The following SCAF11 variants were observed in gnomAD, a reference collection of about 807,000 sequenced individuals.
The protein encoded by SCAF11 is SR-related CTD associated factor 11.
A neutral mutation model predicts 140.5 loss-of-function variants in SCAF11; 47 were observed. That is an observed-to-expected ratio of 0.33 (90% CI 0.26 to 0.43). The LOEUF (loss-of-function observed/expected upper bound fraction) is 0.43, where lower values mean the gene tolerates loss of function less well. Ranked by LOEUF, SCAF11 falls within the 20% of genes least tolerant of loss-of-function variation. The probability of loss-of-function intolerance (pLI) is 1.00; values close to 1 mark genes in which losing one functional copy is unlikely to be tolerated. For missense variants in SCAF11, 1,645 were observed against 1,705.1 expected (o/e 0.96, Z 0.62); for synonymous variants, 557 against 579.4 (o/e 0.96, Z 0.55).
intron 1 of SCAF11, among the ~76,000 whole-genome samples, chr12:45,969,635 ACTTT>A (rs1466640946): frequency 2.6e-5 from 4 of 152,242 alleles, no homozygotes; most frequent in Non-Finnish European, 5.9e-5. Context: ...GTTGCTTGCC[ACTTT>A]CTTTGTTTTC....
At chr12:45,959,151 T>C (rs1009066958) in intron 3 of SCAF11, among the ~76,000 whole-genome samples, 1 of 152,102 alleles carries the variant, frequency 6.6e-6, no homozygotes, top group South Asian at 2.1e-4. Flanking sequence ...TGTTCTCTTA[T>C]GCAGATTTCT....
intron 11 of SCAF11, 85 bp downstream of exon 11, chr12:45,926,057 G>T (rs1944849191): frequency 2.2e-6 from 3 of 1,367,128 alleles, no homozygotes; most frequent in Non-Finnish European, 3.0e-6. Flanking sequence ...TACAAATAAG[G>T]ATCATTTCAA....
At chr12:45,948,724 G>A (rs1266961261) in intron 4 of SCAF11, among the ~76,000 whole-genome samples, 187 bp from the exon 5 acceptor site, 2 of 152,152 alleles carry the variant, frequency 1.3e-5, no homozygotes, top group Non-Finnish European at 2.9e-5. Context: ...TAGGTCTGGG[G>A]AAACAAAATA....
chr12:45,942,927 C>T (rs1479999962), intron 6 of SCAF11, among the ~76,000 whole-genome samples: 4 of 152,024 alleles, frequency 2.6e-5, no homozygotes, highest in African/African-American at 9.7e-5. Flanking sequence ...CCCTAAGAGT[C>T]ACTGTGCTCA....
chr12:45,921,918 C>A lies in SCAF11; in HGVS notation c.*130G>T, dbSNP rs1944723176. 9.3e-7 allele frequency: 1 copy of A among 1,070,434 alleles called. No individual in the cohort carries two copies. Among genetic ancestry groups the A allele is most frequent in the South Asian group, 1.6e-5 (1 of 63,528 alleles). 66.3% of individuals were successfully genotyped at this position (1,070,434 alleles called of 1,614,324 possible). On this transcript the variant is annotated 3_prime_UTR_variant, in exon 15 of 15. Transcript: ENST00000369367. The stretch of plus-strand genomic sequence containing the variant: ...ATTTATTTAGAACAAAACATCATAT[C>A]CTATGTTAAAAAAATAATTTTATCA...
chr12:45,951,153 A>G (rs2136576332), intron 4 of SCAF11, among the ~76,000 whole-genome samples: 1 of 152,258 alleles, frequency 6.6e-6, no homozygotes, highest in Admixed American at 6.5e-5. Context: ...TTATTGGCTA[A>G]TTTCAAAATT....
At chr12:45,959,351 T>C in intron 3 of SCAF11, among the ~76,000 whole-genome samples, 1 of 152,174 alleles carries the variant, frequency 6.6e-6, no homozygotes, top group East Asian at 1.9e-4. Flanking sequence ...CGTCAGGCTA[T>C]CCCTTGACGT....
At chr12:45,924,602 A>G (rs1232522195) in intron 12 of SCAF11, 126 bp downstream of exon 12, 1 of 742,846 alleles carries the variant, frequency 1.3e-6, no homozygotes. Context: ...ATGAAGGTTT[A>G]CCATAACTGA....
chr12:45,942,670 T>G (rs1471162634), intron 6 of SCAF11, among the ~76,000 whole-genome samples: 1 of 152,208 alleles, frequency 6.6e-6, no homozygotes, highest in Non-Finnish European at 1.5e-5. Context: ...CAAGATTCCC[T>G]GAGATATCTT....
intron 3 of SCAF11, among the ~76,000 whole-genome samples, chr12:45,954,126 A>T (rs747152854): frequency 6.6e-6 from 1 of 152,258 alleles, no homozygotes; most frequent in Non-Finnish European, 1.5e-5. Flanking sequence ...TATCAGATGC[A>T]TCAAATCTTT....
At chr12:45,969,554 T>C (rs1946027187) in intron 1 of SCAF11, among the ~76,000 whole-genome samples, 2 of 152,176 alleles carry the variant, frequency 1.3e-5, no homozygotes, top group Non-Finnish European at 2.9e-5. Flanking sequence ...ATTCAATAAA[T>C]GGCTGTTATC....
Position 45,931,588 on chromosome 12 carries a change from A to C in SCAF11, c.759T>G (p.Val253=). Residue 253 remains valine (V), a synonymous_variant, in exon 10 of 15, where the codon GTT becomes GTG. Transcript: ENST00000369367. ...AAATGAGAGGAAGGACTTCTGTTTC[A>C]ACATTCCAGGGTATAAAACCAATTC... ...IGRIGFIPWN[V]ETEVLPLISS... is the part of the protein sequence containing the mutation. 2 of 1,537,674 alleles carry C rather than the reference A, an allele frequency of 1.3e-6. No individual in the cohort carries two copies. Among genetic ancestry groups the C allele is most frequent in the Non-Finnish European group, 1.7e-6 (2 of 1,150,002 alleles).
chr12:45,990,146 C>T (rs1253338664), intron 1 of SCAF11, among the ~76,000 whole-genome samples: 4 of 152,138 alleles, frequency 2.6e-5, no homozygotes, highest in South Asian at 4.1e-4. Context: ...GAAAGGGGCC[C>T]TCCCGGCCGC....
At chr12:45,942,169 T>C (rs1320636982) in intron 6 of SCAF11, among the ~76,000 whole-genome samples, 1 of 152,232 alleles carries the variant, frequency 6.6e-6, no homozygotes, top group Non-Finnish European at 1.5e-5. Context: ...CAGGAGGCTA[T>C]TAGTAGTCAA....
At chr12:45,965,702 G>T (rs1945929116) in intron 1 of SCAF11, among the ~76,000 whole-genome samples, 1 of 152,146 alleles carries the variant, frequency 6.6e-6, no homozygotes, top group South Asian at 2.1e-4. Context: ...CTACGCACAA[G>T]AAATCCTTGA....
In SCAF11 at chr12:45,919,524, G is replaced by GT. The variant is rs1474518381; in HGVS notation, c.*2523dup. 1 of 152,250 alleles carries GT rather than the reference G, an allele frequency of 6.6e-6. No homozygotes were observed. Among genetic ancestry groups the GT allele is most frequent in the Non-Finnish European group, 1.5e-5 (1 of 68,012 alleles). 9.4% of individuals were successfully genotyped at this position (152,250 alleles called of 1,614,324 possible). ...ACCTTGATAAATAATAAGAGGAAATGTAACTCCACAAAATGTTTCTGATTA... is the reference window on the plus strand; with the variant it reads ...ACCTTGATAAATAATAAGAGGAAATGTTAACTCCACAAAATGTTTCTGATTA... On this transcript the variant is annotated 3_prime_UTR_variant, in exon 15 of 15. Coordinates refer to ENST00000369367, the MANE Select transcript of SCAF11 (RefSeq NM_004719.3).
At chr12:45,956,109 G>C (rs1396662894) in intron 3 of SCAF11, 13 of 715,762 alleles carry the variant, frequency 1.8e-5, no homozygotes, top group Non-Finnish European at 3.4e-5. Context: ...CCTTATTTGG[G>C]AATTCAGGAT....
At chr12:45,953,298 T>C (rs1422004354) in intron 3 of SCAF11, among the ~76,000 whole-genome samples, 2 of 152,214 alleles carry the variant, frequency 1.3e-5, no homozygotes, top group African/African-American at 2.4e-5. Context: ...ATCATAACCA[T>C]TGCTGTTTAT....
At chr12:45,975,847 T>G (rs2136651657) in intron 1 of SCAF11, 1 of 152,256 alleles carries the variant, frequency 6.6e-6, no homozygotes, top group East Asian at 1.9e-4. Flanking sequence ...TGGGCGCTCT[T>G]CGTGGTGCCC....
Sources: gnomAD v4.1 joint callset for allele counts (sites outside exome capture counted in the v4.1 genomes callset) on GRCh38, gnomAD v4.1.1 for gene constraint, MANE v1.5 for transcripts, NCBI Gene and HGNC (gene_info 2026-07-23, HGNC 2026-07-21) for gene names.